Variants in MTM1 observed in about 807,000 individuals in gnomAD.
The protein encoded by MTM1 is myotubularin 1, also known as myotubularin.
Under a neutral mutation model 52.1 loss-of-function variants are expected in MTM1, and 9 were observed. The ratio of observed to expected loss-of-function variants is 0.17; its 90% CI spans 0.10 to 0.30. The LOEUF is 0.30. MTM1 is among the 10% of genes least tolerant of loss of function. The probability of loss-of-function intolerance (pLI) is 1.00; values close to 1 mark genes in which losing one functional copy is unlikely to be tolerated. For missense variants in MTM1, 277 were observed against 470.7 expected (o/e 0.59, Z 3.81); for synonymous variants, 136 against 163.8 (o/e 0.83, Z 1.29).
At chrX:150,659,790 T>C in intron 12 of MTM1, 34 bp downstream of exon 12, 1 of 1,062,034 alleles carries the variant, frequency 9.4e-7, no homozygotes, top group Non-Finnish European at 1.3e-6. Context: ...TACATTCAAC[T>C]CATTGTTTAA....
chrX:150,626,960 G>A (rs1466720424), intron 6 of MTM1, among the ~76,000 whole-genome samples: 6 of 110,938 alleles, frequency 5.4e-5, no homozygotes, highest in African/African-American at 1.6e-4. Context: ...CTCTATTCTC[G>A]TTGATCTCTC....
In MTM1 at chrX:150,583,378, TATATA is replaced by T. The variant is rs1309006056; in HGVS notation, c.-10-9216_-10-9212del. On this transcript the variant is annotated intron_variant, in intron 1 of 14. Transcript: ENST00000370396. ...AAATATATATAAATTATATATATTA[TATATA>T]ATATAATATATATAAATTATATATA... Among the ~76,000 whole-genome samples, 6 of 21,062 alleles carry T rather than the reference TATATA, an allele frequency of 2.8e-4. 1 individual carries two copies. Among genetic ancestry groups the T allele is most frequent in the Non-Finnish European group, 3.6e-4 (6 of 16,483 alleles). The allele number at this position is 21,062 out of a possible 115,157, so 18.3% of individuals were successfully genotyped here. A position where few individuals can be genotyped will look rare whatever the true frequency, so the allele number is the denominator to read the frequency against.
intron 6 of MTM1, among the ~76,000 whole-genome samples, chrX:150,635,119 G>T (rs782319983): frequency 3.6e-5 from 4 of 112,054 alleles, no homozygotes; most frequent in Non-Finnish European, 7.5e-5. Context: ...CACCCTAGAA[G>T]AAAGCCACGT....
intron 5 of MTM1, among the ~76,000 whole-genome samples, chrX:150,616,769 A>G (rs782458589): frequency 2.0e-4 from 22 of 112,259 alleles, no homozygotes; most frequent in African/African-American, 6.8e-4. Context: ...TTAAAGACAT[A>G]GTGTGGCATT....
chrX:150,587,003 A>G (rs1603111737), intron 1 of MTM1, among the ~76,000 whole-genome samples: 1 of 110,129 alleles, frequency 9.1e-6, no homozygotes, highest in East Asian at 2.8e-4. Flanking sequence ...CTGTGCTATA[A>G]TTTTACCTGT....
At chrX:150,574,919 G>GT (rs1336489391) in intron 1 of MTM1, among the ~76,000 whole-genome samples, 4 of 112,151 alleles carry the variant, frequency 3.6e-5, no homozygotes, top group African/African-American at 1.3e-4. Flanking sequence ...GGTAAAAACT[G>GT]TTAAGATCCC....
In MTM1 at chrX:150,585,563, A is replaced by G. The variant is rs1201101757; in HGVS notation, c.-10-7042A>G. Among the ~76,000 whole-genome samples, 24 of 112,756 alleles carry G rather than the reference A, an allele frequency of 2.1e-4. No homozygotes were observed. The Admixed American group carries it at 2.3e-3, about 11-fold the overall frequency. On this transcript the variant is annotated intron_variant, in intron 1 of 14. Coordinates refer to ENST00000370396, the MANE Select transcript of MTM1 (RefSeq NM_000252.3). ...TAAATTTAAAATGTACTTTTTGTGAATAGTTCTCACAGGGGAAAATAGTTC... is the reference window on the plus strand; with the variant it reads ...TAAATTTAAAATGTACTTTTTGTGAGTAGTTCTCACAGGGGAAAATAGTTC...
intron 4 of MTM1, among the ~76,000 whole-genome samples, chrX:150,610,269 C>T (rs189630745): frequency 0.07 from 7,783 of 111,015 alleles, 210 homozygotes; most frequent in Non-Finnish European, 0.078. Context: ...ATTGTAGTTA[C>T]TTGAGTCCAT....
In MTM1 at chrX:150,639,675, G is replaced by T. The variant is rs782670674; in HGVS notation, c.528+649G>T. 2.0e-3 allele frequency among the ~76,000 whole-genome samples: 223 copies of T among 112,156 alleles called. 1 individual carries two copies. Among genetic ancestry groups the T allele is most frequent in the African/African-American group, 6.4e-3 (197 of 30,869 alleles). ...GAATTCTGTGCATAATATGTAACAA[G>T]AGCCACAGTTTGACCTCTGGTATAA... On this transcript the variant is annotated intron_variant, in intron 7 of 14. Transcript: ENST00000370396.
At chrX:150,651,182 A>G (rs1388067637) in intron 10 of MTM1, among the ~76,000 whole-genome samples, 4 of 112,207 alleles carry the variant, frequency 3.6e-5, no homozygotes, top group Non-Finnish European at 7.5e-5. Context: ...AAAAACCAAA[A>G]TAAAACTTTT....
intron 5 of MTM1, among the ~76,000 whole-genome samples, chrX:150,616,109 C>T (rs1402822320): frequency 9.0e-6 from 1 of 111,539 alleles, no homozygotes; most frequent in African/African-American, 3.3e-5. Flanking sequence ...ATAGGAAAAA[C>T]TTGTACTTAA....
chrX:150,618,911 G>A (rs1203648941), intron 5 of MTM1, 127 bp from the exon 6 acceptor site: 1 of 548,686 alleles, frequency 1.8e-6, no homozygotes, highest in Non-Finnish European at 3.2e-6. Context: ...AAGCAATTTT[G>A]TAATAATTTA....
At chrX:150,666,400 A>T (rs782088958) in intron 14 of MTM1, among the ~76,000 whole-genome samples, 21 of 112,497 alleles carry the variant, frequency 1.9e-4, no homozygotes, top group African/African-American at 6.8e-4. Flanking sequence ...CAGTTTTCTG[A>T]TGATACAGTC....
chrX:150,575,328 G>A (rs2038451592), intron 1 of MTM1, among the ~76,000 whole-genome samples: 1 of 112,154 alleles, frequency 8.9e-6, no homozygotes, highest in African/African-American at 3.2e-5. Flanking sequence ...CCTGGGCATC[G>A]CCCACAGATA....
At chrX:150,640,718 A>G (rs2039833678) in intron 7 of MTM1, among the ~76,000 whole-genome samples, 1 of 111,564 alleles carries the variant, frequency 9.0e-6, no homozygotes, top group Non-Finnish European at 1.9e-5. Context: ...TTGAAAAAAA[A>G]CTCATCGGAG....
rs897630592 is a variant in MTM1 at position 150,615,516 on chromosome X, G to T, written c.342+817G>T. ...AAAAAAAAAACAGTCTTAATTTGAA[G>T]ACCTGGGCTGAAGTTTGCTGGCCCC... On this transcript the variant is annotated intron_variant, in intron 5 of 14. Coordinates refer to ENST00000370396, the MANE Select transcript of MTM1 (RefSeq NM_000252.3). Among the ~76,000 whole-genome samples the T allele has an allele frequency of 3.7e-5, 4 of 109,415 alleles. No homozygotes were observed. The East Asian group carries it at 1.1e-3, about 31-fold the overall frequency.
At chrX:150,604,399 T>C (rs1408226899) in intron 4 of MTM1, among the ~76,000 whole-genome samples, 2 of 111,501 alleles carry the variant, frequency 1.8e-5, no homozygotes, top group Non-Finnish European at 3.8e-5. Context: ...TTTCCCCTAG[T>C]GCTACCTCTC....
chrX:150,658,081 A>G, intron 11 of MTM1, 54 bp downstream of exon 11: 2 of 961,512 alleles, frequency 2.1e-6, no homozygotes, highest in African/African-American at 1.9e-5. Context: ...CAGGATTTTA[A>G]AACTAGTTGT....
At chrX:150,626,225 G>A (rs781788938) in intron 6 of MTM1, among the ~76,000 whole-genome samples, 45 of 112,479 alleles carry the variant, frequency 4.0e-4, no homozygotes, top group Admixed American at 1.4e-3. Flanking sequence ...AGTAGAGTGC[G>A]TTATGGAGGT....
Sources: allele counts gnomAD v4.1 joint callset (sites outside exome capture counted in the v4.1 genomes callset), GRCh38; gene constraint gnomAD v4.1.1; transcripts MANE v1.5; gene names NCBI Gene and HGNC (gene_info 2026-07-23, HGNC 2026-07-21).